The following ABHD12 variants were observed in gnomAD, a reference collection of about 807,000 sequenced individuals.
The protein encoded by ABHD12 is lysophosphatidylserine lipase ABHD12.
In ABHD12, 43 loss-of-function variants were observed where a neutral mutation model predicts 58.3. That is an observed-to-expected ratio of 0.74 (90% CI 0.58 to 0.95). The LOEUF (loss-of-function observed/expected upper bound fraction) is 0.95. Among genes scored for constraint, ABHD12 ranks in the 40% least tolerant of loss-of-function variants. ABHD12 has a pLI of 0.00. For synonymous variants in ABHD12, 219 were observed against 211.2 expected, an observed-to-expected ratio of 1.04 and a Z score of -0.32; for missense variants, 539 against 537.2, an observed-to-expected ratio of 1.00 and a Z score of -0.03.
rs772048670 is a variant in ABHD12 at position 25,306,871 on chromosome 20, A to G, written c.912T>C (p.Pro304=). The change falls in exon 10 of 13, where the codon CCT becomes CCC. Residue 304 remains proline, a synonymous_variant. Transcript: ENST00000339157. The part of the protein sequence containing the change: ...FPGFDWFFLD[P]ITSSGIKFAN... ...CAAATTTAATTCCACTACTTGTAAT[A>G]GGATCAAGGAAGAACCAGTCAAACC... The G allele has an allele frequency of 3.7e-6, 6 of 1,612,970 alleles. No homozygotes were observed. Among genetic ancestry groups the G allele is most frequent in the Non-Finnish European group, 5.1e-6 (6 of 1,179,098 alleles).
chr20:25,300,777 C>T lies in ABHD12; in HGVS notation c.*68G>A. ...GCCGGCCCCCCGGGGCTTCAGGATA[C>T]CGGGCTGCTGACTGGAGGAAAACGG... On this transcript the variant is annotated 3_prime_UTR_variant, in exon 13 of 13. Transcript: ENST00000339157. 6.2e-7 allele frequency: 1 copy of T among 1,612,952 alleles called. No individual in the cohort carries two copies. Among genetic ancestry groups the T allele is most frequent in the Non-Finnish European group, 8.5e-7 (1 of 1,179,596 alleles).
At chr20:25,383,372 C>A (rs1321945803) in intron 1 of ABHD12, among the ~76,000 whole-genome samples, 1 of 152,202 alleles carries the variant, frequency 6.6e-6, no homozygotes, top group Non-Finnish European at 1.5e-5. Context: ...GTCAATCCAG[C>A]AGATCTGGCC....
intron 1 of ABHD12, among the ~76,000 whole-genome samples, chr20:25,358,932 A>G (rs2089703840): frequency 6.6e-6 from 1 of 152,174 alleles, no homozygotes; most frequent in Admixed American, 6.5e-5. Context: ...ATATGTGAAA[A>G]TGCAAAAATA....
At chr20:25,368,723 G>T in intron 1 of ABHD12, 1 of 1,223,846 alleles carries the variant, frequency 8.2e-7, no homozygotes, top group Non-Finnish European at 1.2e-6. Flanking sequence ...CGGCCCAAGG[G>T]CTTGCCTTCG....
At chr20:25,384,102 A>C (rs1230008322) in intron 1 of ABHD12, among the ~76,000 whole-genome samples, 1 of 149,996 alleles carries the variant, frequency 6.7e-6, no homozygotes, top group Non-Finnish European at 1.5e-5. Context: ...AGATCACGCC[A>C]CTGCACTCCA....
rs911840802 is a variant in ABHD12 at position 25,368,631 on chromosome 20, A to G, written c.191+21882T>C. ...TGTGAAAGCGGAAACCCTTAAAACCAAATCCTTTCTCGCCAGTGCTCAGAG... is the reference window on the plus strand; with the variant it reads ...TGTGAAAGCGGAAACCCTTAAAACCGAATCCTTTCTCGCCAGTGCTCAGAG... On this transcript the variant is annotated intron_variant, in intron 1 of 12. Coordinates refer to ENST00000339157, the MANE Select transcript of ABHD12 (RefSeq NM_001042472.3). The G allele has an allele frequency of 5.1e-6, 7 of 1,376,378 alleles. No homozygotes were observed. The Admixed American group carries it at 1.2e-4, about 23-fold the overall frequency. 85.3% of individuals were successfully genotyped at this position (1,376,378 alleles called of 1,614,324 possible).
chr20:25,371,558 A>C (rs1156869214), intron 1 of ABHD12, among the ~76,000 whole-genome samples: 3 of 152,188 alleles, frequency 2.0e-5, no homozygotes, highest in Non-Finnish European at 2.9e-5. Flanking sequence ...ATGAACTAAT[A>C]AAATGTTCTA....
At chr20:25,303,352 C>T in intron 11 of ABHD12, 198 bp downstream of exon 11, 2 of 1,477,366 alleles carry the variant, frequency 1.4e-6, no homozygotes, top group Non-Finnish European at 1.8e-6. Flanking sequence ...TACACCAGAC[C>T]TCCCATGTCC....
intron 1 of ABHD12, among the ~76,000 whole-genome samples, chr20:25,346,011 T>A (rs1600831752): frequency 6.6e-6 from 1 of 152,306 alleles, no homozygotes; most frequent in East Asian, 1.9e-4. Context: ...GCTTTATTAA[T>A]AACTGCCAAG....
intron 1 of ABHD12, among the ~76,000 whole-genome samples, chr20:25,381,239 A>T (rs1462510547): frequency 6.6e-6 from 1 of 152,146 alleles, no homozygotes; most frequent in East Asian, 1.9e-4. Flanking sequence ...GTGCACACAC[A>T]GCCACAGGGC....
intron 1 of ABHD12, among the ~76,000 whole-genome samples, chr20:25,355,847 G>GC (rs2089660781): frequency 2.2e-5 from 3 of 139,118 alleles, no homozygotes. Context: ...GTGAGCCACT[G>GC]CGCCCAGCCC....
chr20:25,305,610 C>G (rs1354450237), intron 10 of ABHD12, among the ~76,000 whole-genome samples: 1 of 152,104 alleles, frequency 6.6e-6, no homozygotes, highest in African/African-American at 2.4e-5. Context: ...ATCTGCCCAC[C>G]TCAACTTCCC....
downstream of ABHD12, chr20:25,296,331 CT>C (rs2088543893): frequency 6.2e-7 from 1 of 1,612,096 alleles, no homozygotes; most frequent in Admixed American, 1.7e-5. Flanking sequence ...GCCCCAAGCC[CT>C]GTGACGCCAG....
At chr20:25,295,537 C>T (rs752640489), downstream of ABHD12, 35 of 1,527,940 alleles carry the variant, frequency 2.3e-5, no homozygotes, top group Non-Finnish European at 2.8e-5. Flanking sequence ...CCCTGGGACT[C>T]TCCCCTCGGG....
chr20:25,304,481 G>C (rs1168513803), intron 10 of ABHD12, among the ~76,000 whole-genome samples: 1 of 152,212 alleles, frequency 6.6e-6, no homozygotes, highest in Non-Finnish European at 1.5e-5. Context: ...TCTCACCCAG[G>C]GTCACCTGTA....
intron 1 of ABHD12, among the ~76,000 whole-genome samples, chr20:25,352,739 G>A (rs1332398281): frequency 1.3e-5 from 2 of 152,150 alleles, no homozygotes; most frequent in East Asian, 3.9e-4. Context: ...AAATTAAAAT[G>A]AATTCTAATT....
At chr20:25,378,364 A>C (rs1341655022) in intron 1 of ABHD12, among the ~76,000 whole-genome samples, 1 of 152,210 alleles carries the variant, frequency 6.6e-6, no homozygotes, top group Non-Finnish European at 1.5e-5. Flanking sequence ...TCTGGCAAAC[A>C]GCAGGAATAC....
At chr20:25,346,719 ACTGTAAGCTCTGCCTC>A (rs2089523760) in intron 1 of ABHD12, among the ~76,000 whole-genome samples, 1 of 151,200 alleles carries the variant, frequency 6.6e-6, no homozygotes, top group Non-Finnish European at 1.5e-5. Flanking sequence ...ATCTCGGCTC[ACTGTAAGCTCTGCCTC>A]CTGGGTTCAC....
At chr20:25,308,574 C>G in intron 7 of ABHD12, 80 bp from the exon 8 acceptor site, 2 of 1,503,308 alleles carry the variant, frequency 1.3e-6, no homozygotes, top group Non-Finnish European at 9.1e-7. Flanking sequence ...GGAAAGTGCT[C>G]AGAGGAGCCA....
Sources: allele counts gnomAD v4.1 joint callset (sites outside exome capture counted in the v4.1 genomes callset), GRCh38; gene constraint gnomAD v4.1.1; transcripts MANE v1.5; gene names NCBI Gene and HGNC (gene_info 2026-07-23, HGNC 2026-07-21).